Variants in BMPR1B observed in about 807,000 individuals in gnomAD.
The protein encoded by BMPR1B is bone morphogenetic protein receptor type-1B.
In BMPR1B, 12 loss-of-function variants were observed where a neutral mutation model predicts 59.1. The observed-to-expected ratio is 0.20, with a 90% CI of 0.13 to 0.33. The LOEUF is 0.33. BMPR1B is among the 10% of genes least tolerant of loss of function. The pLI is 1.00. For missense variants in BMPR1B, 550 were observed against 610.9 expected (o/e 0.90, Z 1.05); for synonymous variants, 237 against 207.3 (o/e 1.14, Z -1.23).
At chr4:94,838,220 C>G (rs1278785894) in intron 1 of BMPR1B, among the ~76,000 whole-genome samples, 1 of 80,224 alleles carries the variant, frequency 1.2e-5, no homozygotes, top group South Asian at 5.5e-4. Flanking sequence ...CTAATATTCT[C>G]TTTTTTGGTT....
chr4:94,950,834 A>G (rs1051787747), intron 2 of BMPR1B, among the ~76,000 whole-genome samples: 4 of 152,180 alleles, frequency 2.6e-5, no homozygotes, highest in African/African-American at 4.8e-5. Context: ...AAGAAAGTCA[A>G]TAGTAGCTTC....
intron 2 of BMPR1B, among the ~76,000 whole-genome samples, chr4:94,883,566 G>GT: frequency 6.6e-6 from 1 of 151,554 alleles, no homozygotes; most frequent in South Asian, 2.1e-4. Context: ...AACTTAATTT[G>GT]TTTTTTATCT....
chr4:95,117,328 G>A (rs1184491640), intron 6 of BMPR1B, among the ~76,000 whole-genome samples: 4 of 152,140 alleles, frequency 2.6e-5, no homozygotes, highest in Non-Finnish European at 5.9e-5. Flanking sequence ...ACACAGCACC[G>A]GAAAGTTTAT....
chr4:95,152,034 G>A (rs1735083005), intron 11 of BMPR1B, among the ~76,000 whole-genome samples: 1 of 151,936 alleles, frequency 6.6e-6, no homozygotes, highest in Non-Finnish European at 1.5e-5. Context: ...TTTTCTAATA[G>A]TAATGTATTC....
chr4:94,884,328 C>G lies in BMPR1B; in HGVS notation c.-113+8428C>G, dbSNP rs186129232. ...ATCACTTGAGGTTAGGAGTTCGAAA[C>G]CCGCCTGGCCAACATGGTGAAACCC... On this transcript the variant is annotated intron_variant, in intron 2 of 12. Coordinates refer to ENST00000515059, the MANE Select transcript of BMPR1B (RefSeq NM_001203.3). 5.9e-5 allele frequency among the ~76,000 whole-genome samples: 9 copies of G among 152,238 alleles called. No homozygotes were observed. The East Asian group carries it at 1.5e-3, about 26-fold the overall frequency.
intron 2 of BMPR1B, among the ~76,000 whole-genome samples, chr4:94,918,975 A>C (rs1728588229): frequency 1.3e-5 from 2 of 152,068 alleles, no homozygotes; most frequent in South Asian, 4.1e-4. Context: ...GTGTCTGCTG[A>C]GGAGTGATGG....
intron 6 of BMPR1B, among the ~76,000 whole-genome samples, chr4:95,121,136 C>T (rs1170365202): frequency 6.6e-6 from 1 of 152,128 alleles, no homozygotes; most frequent in Non-Finnish European, 1.5e-5. Flanking sequence ...ACACCAATAA[C>T]ATCCAGGCTG....
intron 3 of BMPR1B, among the ~76,000 whole-genome samples, chr4:95,032,180 C>T (rs1724915456): frequency 6.6e-6 from 1 of 152,018 alleles, no homozygotes; most frequent in African/African-American, 2.4e-5. Context: ...AGCTTCTGTT[C>T]CTGGTCCTGG....
intron 2 of BMPR1B, among the ~76,000 whole-genome samples, chr4:94,902,046 G>GGTGTGTGTGTGTGTGT (rs34068392): frequency 3.4e-5 from 4 of 119,182 alleles, no homozygotes; most frequent in Non-Finnish European, 5.0e-5. Context: ...CAGACTGCAT[G>GGTGTGTGTGTGTGTGT]GTGTGTGTGT....
intron 2 of BMPR1B, among the ~76,000 whole-genome samples, chr4:94,908,517 T>G (rs1370301438): frequency 2.6e-5 from 4 of 152,014 alleles, no homozygotes; most frequent in Non-Finnish European, 5.9e-5. Flanking sequence ...AAGGTTTTAT[T>G]CCTATCAACA....
chr4:94,771,820 G>A (rs184180167), intron 1 of BMPR1B, among the ~76,000 whole-genome samples: 3 of 152,192 alleles, frequency 2.0e-5, no homozygotes, highest in East Asian at 3.9e-4. Flanking sequence ...ACTTGCTAAC[G>A]GTAGAGGGAT....
chr4:94,967,503 G>A (rs777514557), intron 2 of BMPR1B, among the ~76,000 whole-genome samples: 2 of 149,058 alleles, frequency 1.3e-5, no homozygotes, highest in Non-Finnish European at 3.0e-5. Context: ...TTTTTCTTGA[G>A]ATGGAGTCTT....
intron 1 of BMPR1B, among the ~76,000 whole-genome samples, chr4:94,841,205 GCTGT>G (rs1217081832): frequency 6.7e-6 from 1 of 149,576 alleles, no homozygotes; most frequent in South Asian, 2.1e-4. Flanking sequence ...AGAGGTTACT[GCTGT>G]CTTTTTGTTT....
At chr4:94,928,164 A>AC (rs1422615012) in intron 2 of BMPR1B, among the ~76,000 whole-genome samples, 36 of 140,280 alleles carry the variant, frequency 2.6e-4, no homozygotes, top group Admixed American at 4.3e-4. Flanking sequence ...GTTTTATTGT[A>AC]TTTTTTTTTT....
intron 3 of BMPR1B, among the ~76,000 whole-genome samples, chr4:95,078,848 C>T (rs1728901382): frequency 6.6e-6 from 1 of 152,190 alleles, no homozygotes; most frequent in Non-Finnish European, 1.5e-5. Flanking sequence ...GCCTCAACCT[C>T]CTGGGCTCCA....
intron 2 of BMPR1B, among the ~76,000 whole-genome samples, chr4:94,896,201 T>A (rs1420581409): frequency 6.6e-6 from 1 of 152,004 alleles, no homozygotes; most frequent in Non-Finnish European, 1.5e-5. Context: ...AAGTTTATCC[T>A]CTTGTTGCTT....
chr4:95,143,001 A>G (rs891077297), intron 10 of BMPR1B, among the ~76,000 whole-genome samples: 4 of 151,964 alleles, frequency 2.6e-5, no homozygotes, highest in African/African-American at 9.7e-5. Context: ...CATTTAATGC[A>G]TGATAGTCAA....
intron 1 of BMPR1B, among the ~76,000 whole-genome samples, chr4:94,782,293 A>G (rs916994809): frequency 2.0e-5 from 3 of 150,218 alleles, no homozygotes; most frequent in Non-Finnish European, 4.4e-5. Flanking sequence ...TCAGTTTTGC[A>G]TATCAGTTAT....
chr4:94,813,951 T>A (rs1017537992), intron 1 of BMPR1B, among the ~76,000 whole-genome samples: 3 of 151,868 alleles, frequency 2.0e-5, no homozygotes, highest in African/African-American at 7.3e-5. Flanking sequence ...ATATCAGGAG[T>A]TAGTTTTGAG....
Sources: allele counts gnomAD v4.1 joint callset (sites outside exome capture counted in the v4.1 genomes callset), GRCh38; gene constraint gnomAD v4.1.1; transcripts MANE v1.5; gene names NCBI Gene and HGNC (gene_info 2026-07-23, HGNC 2026-07-21).